The following NTRK3 variants were observed in gnomAD, a reference collection of about 807,000 sequenced individuals.
NTRK3 encodes the protein neurotrophic receptor tyrosine kinase 3, also known as NT-3 growth factor receptor.
Under a neutral mutation model 91.7 loss-of-function variants are expected in NTRK3, and 24 were observed. The ratio of observed to expected loss-of-function variants is 0.26; its 90% CI spans 0.19 to 0.37. The LOEUF is 0.37. NTRK3 is among the 10% of genes least tolerant of loss of function. The probability of loss-of-function intolerance (pLI) is 1.00; values close to 1 mark genes in which losing one functional copy is unlikely to be tolerated. For synonymous variants in NTRK3, 483 were observed against 404.0 expected, an observed-to-expected ratio of 1.20 and a Z score of -2.34; for missense variants, 880 against 1,068.9, an observed-to-expected ratio of 0.82 and a Z score of 2.46.
At chr15:88,160,392 G>C (rs2044337912) in intron 5 of NTRK3, among the ~76,000 whole-genome samples, 1 of 152,220 alleles carries the variant, frequency 6.6e-6, no homozygotes, top group South Asian at 2.1e-4. Flanking sequence ...CCTTAGCTTA[G>C]TGCCTGAGGT....
intron 17 of NTRK3, among the ~76,000 whole-genome samples, chr15:87,921,078 C>A (rs902778105): frequency 2.0e-5 from 3 of 152,174 alleles, no homozygotes; most frequent in Admixed American, 6.5e-5. Flanking sequence ...ATTCTCTACA[C>A]TATTTTTGCA....
chr15:88,041,212 T>C (rs2079574139), intron 13 of NTRK3, among the ~76,000 whole-genome samples: 1 of 152,214 alleles, frequency 6.6e-6, no homozygotes, highest in Non-Finnish European at 1.5e-5. Flanking sequence ...CCACATAAAA[T>C]AGCTCTGGGC....
intron 3 of NTRK3, among the ~76,000 whole-genome samples, chr15:88,193,733 T>C (rs1173567843): frequency 6.6e-6 from 1 of 152,162 alleles, no homozygotes; most frequent in Admixed American, 6.5e-5. Context: ...CTCAGGAACA[T>C]ATTCATTTTT....
intron 5 of NTRK3, among the ~76,000 whole-genome samples, chr15:88,167,294 T>C (rs961943573): frequency 6.6e-6 from 1 of 152,206 alleles, no homozygotes; most frequent in Non-Finnish European, 1.5e-5. Flanking sequence ...GGTGACTGAC[T>C]GATTCACACT....
chr15:88,011,878 G>C (rs145604308), intron 14 of NTRK3, among the ~76,000 whole-genome samples: 1 of 152,204 alleles, frequency 6.6e-6, no homozygotes, highest in Non-Finnish European at 1.5e-5. Context: ...TGGTAATAGT[G>C]CTGACAGCCA....
At chr15:88,144,522 A>T (rs1210069448) in intron 6 of NTRK3, among the ~76,000 whole-genome samples, 1 of 152,094 alleles carries the variant, frequency 6.6e-6, no homozygotes, top group Non-Finnish European at 1.5e-5. Context: ...GGAGAGGCCG[A>T]GCATGTAGGG....
chr15:87,897,038 C>A (rs1596138693), intron 17 of NTRK3, among the ~76,000 whole-genome samples: 1 of 152,292 alleles, frequency 6.6e-6, no homozygotes, highest in Middle Eastern at 3.4e-3. Flanking sequence ...ACGCAAACAG[C>A]ATCCATTTAG....
rs559615219 is a variant in NTRK3 at position 87,906,420 on chromosome 15, G to T, written c.2133+22771C>A. 4.6e-5 allele frequency among the ~76,000 whole-genome samples: 7 copies of T among 152,192 alleles called. No individual in the cohort carries two copies. In the South Asian group the frequency reaches 1.5e-3, roughly 32 times the overall value. On this transcript the variant is annotated intron_variant, in intron 17 of 18. Coordinates refer to ENST00000394480, the Ensembl canonical transcript of NTRK3. ...AGATTAAGGGACTTTCTACAAAGATGCTCCCCAAATAGATGAATCCACAGC... is the reference window on the plus strand; with the variant it reads ...AGATTAAGGGACTTTCTACAAAGATTCTCCCCAAATAGATGAATCCACAGC...
intron 13 of NTRK3, among the ~76,000 whole-genome samples, chr15:88,097,920 T>C (rs1258691703): frequency 1.3e-5 from 2 of 152,366 alleles, no homozygotes; most frequent in South Asian, 2.1e-4. Flanking sequence ...GTTAGTTTCA[T>C]GGACATTTGC....
At chr15:87,993,178 A>C (rs150414882) in intron 14 of NTRK3, among the ~76,000 whole-genome samples, 223 of 152,338 alleles carry the variant, frequency 1.5e-3, no homozygotes, top group African/African-American at 5.1e-3. Context: ...CAGGGTGCTC[A>C]ACTTCCCTTG....
chr15:88,090,734 C>T (rs894675754), intron 13 of NTRK3, among the ~76,000 whole-genome samples: 1 of 152,138 alleles, frequency 6.6e-6, no homozygotes, highest in Non-Finnish European at 1.5e-5. Flanking sequence ...CTCCTTACCC[C>T]ACAACCCCTG....
At chr15:88,227,828 T>G (rs1300559123) in intron 3 of NTRK3, among the ~76,000 whole-genome samples, 1 of 151,982 alleles carries the variant, frequency 6.6e-6, no homozygotes, top group Non-Finnish European at 1.5e-5. Context: ...AGAAGCTGCA[T>G]GCCCCTCGCA....
chr15:88,193,888 C>T (rs139988851), intron 3 of NTRK3, among the ~76,000 whole-genome samples: 17 of 152,326 alleles, frequency 1.1e-4, no homozygotes, highest in East Asian at 7.7e-4. Context: ...CATGTGTCTA[C>T]GCCTCTTTAT....
chr15:87,901,573 G>T (rs1402055122), intron 17 of NTRK3, among the ~76,000 whole-genome samples: 3 of 152,170 alleles, frequency 2.0e-5, no homozygotes, highest in Non-Finnish European at 4.4e-5. Flanking sequence ...AGTTGAGTTG[G>T]GCTAAGTTCT....
At chr15:87,861,431 A>G (rs1160861924) in exon 19 of NTRK3, 2 of 206,416 alleles carry the variant, frequency 9.7e-6, no homozygotes, top group Non-Finnish European at 2.0e-5. Context: ...TATCATTTAC[A>G]CGACAATAAA....
At chr15:87,901,971 G>A (rs1410221075) in intron 17 of NTRK3, among the ~76,000 whole-genome samples, 1 of 152,128 alleles carries the variant, frequency 6.6e-6, no homozygotes, top group Non-Finnish European at 1.5e-5. Flanking sequence ...AATGTTTTAA[G>A]GCATGTAAAT....
intron 14 of NTRK3, chr15:87,977,497 G>T (rs1274957593): frequency 8.9e-6 from 2 of 223,734 alleles, no homozygotes; most frequent in African/African-American, 4.5e-5. Flanking sequence ...TGGGATGGAT[G>T]GAGCCTGGGA....
intron 13 of NTRK3, among the ~76,000 whole-genome samples, chr15:88,034,550 C>G (rs2078899236): frequency 6.6e-6 from 1 of 152,260 alleles, no homozygotes; most frequent in South Asian, 2.1e-4. Context: ...CTTTGCTAGA[C>G]ACACAGGCCC....
chr15:88,055,829 CAA>C, intron 13 of NTRK3, among the ~76,000 whole-genome samples: 1 of 152,234 alleles, frequency 6.6e-6, no homozygotes, highest in South Asian at 2.1e-4. Context: ...TTTTAAAATC[CAA>C]AGTCAACGTT....
Sources: gnomAD v4.1 joint callset for allele counts (sites outside exome capture counted in the v4.1 genomes callset) on GRCh38, gnomAD v4.1.1 for gene constraint, MANE v1.5 for transcripts, NCBI Gene and HGNC (gene_info 2026-07-23, HGNC 2026-07-21) for gene names.